Variants in TRPM5 observed in about 807,000 individuals in gnomAD.
TRPM5 encodes transient receptor potential cation channel subfamily M member 5, also known as MLSN1 and TRP-related.
TRPM5 carries 121 observed loss-of-function variants against 124.9 expected under a neutral mutation model. That is an observed-to-expected ratio of 0.97 (90% CI 0.84 to 1.13). The LOEUF is 1.13. Among genes scored for constraint, TRPM5 ranks in the 50% most tolerant of loss-of-function variants. The pLI is 0.00. For missense variants in TRPM5, 1,643 were observed against 1,589.1 expected (o/e 1.03, Z -0.58); for synonymous variants, 781 against 700.5 (o/e 1.11, Z -1.81).
rs751901130 is a variant in TRPM5 at position 2,411,392 on chromosome 11, G to T, written c.2742C>A (p.Tyr914Ter). Residue 914 changes from tyrosine (Y) to a stop codon, truncating the protein, a stop_gained, in exon 18 of 24, where the codon TAC (tyrosine) becomes TAA (stop). Coordinates refer to ENST00000155858, the Ensembl canonical transcript of TRPM5. LOFTEE classifies it high-confidence loss of function. ...GTGGGATCTGGCCGAAGATCTGCAG[G>T]TAGGGCCGGTAGAGCACCCGGCGGA... 2 of 1,610,744 alleles carry T rather than the reference G, an allele frequency of 1.2e-6. No individual in the cohort carries two copies. The highest frequency in any genetic ancestry group is 1.7e-6 in the Non-Finnish European group (2 of 1,178,430).
upstream of TRPM5, among the ~76,000 whole-genome samples, chr11:2,423,890 G>C (rs1297697046): frequency 1.3e-5 from 2 of 152,352 alleles, no homozygotes; most frequent in South Asian, 4.1e-4. Context: ...GCCCCAGCCT[G>C]GCTGACCTCG....
chr11:2,405,030 A>G, exon 24 of TRPM5: 2 of 1,612,576 alleles, frequency 1.2e-6, no homozygotes, highest in Non-Finnish European at 8.5e-7. Context: ...TTCCCTCGCC[A>G]CAGTGCTGAG....
At chr11:2,411,896 C>T (rs1055262691) in intron 16 of TRPM5, 129 bp from the exon 22 acceptor site, 5 of 1,177,902 alleles carry the variant, frequency 4.2e-6, no homozygotes, top group Non-Finnish European at 6.0e-6. Context: ...TGAGTGGCTT[C>T]ATCTTTTGTT....
At chr11:2,406,377 G>A (rs888374774) in intron 21 of TRPM5, among the ~76,000 whole-genome samples, 1 of 152,082 alleles carries the variant, frequency 6.6e-6, no homozygotes, top group East Asian at 1.9e-4. Context: ...GGCCCCTGGA[G>A]CCAGGGCTGG....
At chr11:2,428,045 G>A (rs1390039854), upstream of TRPM5, among the ~76,000 whole-genome samples, 3 of 152,202 alleles carry the variant, frequency 2.0e-5, no homozygotes, top group African/African-American at 4.8e-5. This position sits in a 1 kb window ranked among gnomAD's most constrained non-coding sequence, Gnocchi z 4.0. Context: ...CCCTGCATCC[G>A]GAGTCAGGAC....
In TRPM5 at chr11:2,405,596, G is replaced by A. The variant is rs1373038132; in HGVS notation, c.3325-3C>T. 2.6e-6 allele frequency: 4 copies of A among 1,560,188 alleles called. No homozygotes were observed. In the Admixed American group the frequency reaches 7.7e-5, roughly 30 times the overall value. ...ACGAGCACCGAGCAGTAGTTGATCT[G>A]GAGAAGGGAAACACGTCCGGGAAGC... On this transcript the variant is annotated splice_polypyrimidine_tract_variant and splice_region_variant and intron_variant, in intron 22 of 23. Coordinates refer to ENST00000155858, the Ensembl canonical transcript of TRPM5.
intron 4 of TRPM5, among the ~76,000 whole-genome samples, chr11:2,419,567 G>T (rs1338050989): frequency 6.7e-6 from 1 of 149,598 alleles, no homozygotes; most frequent in East Asian, 2.0e-4. Context: ...AGTGAGCCGA[G>T]ATTGCACTCC....
At chr11:2,420,447 A>C in intron 3 of TRPM5, 42 bp from the exon 9 acceptor site, 1 of 1,492,436 alleles carries the variant, frequency 6.7e-7, no homozygotes, top group Non-Finnish European at 8.9e-7. Context: ...CTCGAGAGGC[A>C]GCTTGGGCTG....
At position 2,405,527 on chromosome 11, in the gene TRPM5, TC is replaced by T; in HGVS notation, c.3390del (p.Ser1131AlafsTer20). ...TCCCACGCTCCCCAAACAGGCTTAC[TC>T]CGGGGGCCGCCACCCTGGGCCAGCA... On this transcript the variant is annotated frameshift_variant and splice_region_variant, in exon 23 of 24. Coordinates refer to ENST00000155858, the Ensembl canonical transcript of TRPM5. LOFTEE classifies it low-confidence loss of function (END_TRUNC). 1 of 1,557,664 alleles carries T rather than the reference TC, an allele frequency of 6.4e-7. No individual in the cohort carries two copies. The highest frequency in any genetic ancestry group is 1.2e-5 in the South Asian group (1 of 84,502).
rs758105249 is a variant in TRPM5, at chr11:2,414,210, C to T, written c.1745-4G>A. 2 of 1,605,898 alleles carry T rather than the reference C, an allele frequency of 1.2e-6. No homozygotes were observed. Among genetic ancestry groups the T allele is most frequent in the South Asian group, 1.1e-5 (1 of 90,222 alleles). Reference sequence around the variant, plus strand: ...CTGTAGCACTCGGAGAAGAGGTCTGCCCCCGGAGGCCCTGGCCGCTAGGAC... The same window carrying T: ...CTGTAGCACTCGGAGAAGAGGTCTGTCCCCGGAGGCCCTGGCCGCTAGGAC... On this transcript the variant is annotated splice_region_variant and splice_polypyrimidine_tract_variant and intron_variant, in intron 11 of 23. Transcript: ENST00000155858.
At chr11:2,420,914 C>A in intron 3 of TRPM5, 118 bp downstream of exon 8, 2 of 1,202,934 alleles carry the variant, frequency 1.7e-6, no homozygotes, top group Non-Finnish European at 2.2e-6. Flanking sequence ...TCTGCCCGCT[C>A]CCTGCTCTTC....
At chr11:2,432,381 C>A in the TRPM5 span, among the ~76,000 whole-genome samples, 33 of 152,364 alleles carry the variant, frequency 2.2e-4, no homozygotes, top group Non-Finnish European at 3.7e-4. Context: ...GGCCCAGCCC[C>A]TGCCCCCACG....
intron 7 of TRPM5, among the ~76,000 whole-genome samples, chr11:2,417,514 A>G (rs1205284260): frequency 6.6e-6 from 1 of 152,258 alleles, no homozygotes; most frequent in African/African-American, 2.4e-5. Context: ...ATACCACTGA[A>G]TTGAGAGCTT....
At chr11:2,433,669 G>A in the TRPM5 span, among the ~76,000 whole-genome samples, 1 of 152,264 alleles carries the variant, frequency 6.6e-6, no homozygotes, top group Non-Finnish European at 1.5e-5. Context: ...TGCCTGGAAC[G>A]TCCTGAGGAC....
intron 21 of TRPM5, 71 bp from the exon 27 acceptor site, chr11:2,406,162 C>T (rs775654027): frequency 1.9e-6 from 3 of 1,547,152 alleles, no homozygotes; most frequent in Non-Finnish European, 8.8e-7. Flanking sequence ...CCTCCCCATC[C>T]CCCCAGGCCT....
chr11:2,409,225 C>T (rs1336055202), intron 18 of TRPM5, among the ~76,000 whole-genome samples: 3 of 152,196 alleles, frequency 2.0e-5, no homozygotes, highest in Non-Finnish European at 4.4e-5. Context: ...GCCTGCCCCT[C>T]CTCTGTCCGC....
chr11:2,417,706 G>GGGGCCCCCCCCCCCCC, intron 7 of TRPM5, 21 bp downstream of exon 12: 1 of 1,087,302 alleles, frequency 9.2e-7, no homozygotes, highest in Non-Finnish European at 1.4e-6. Flanking sequence ...CGCCTGCCTT[G>GGGGCCCCCCCCCCCCC]CCCACCCTGC....
At chr11:2,425,886 G>T (rs138191378), upstream of TRPM5, among the ~76,000 whole-genome samples, 2 of 152,300 alleles carry the variant, frequency 1.3e-5, no homozygotes, top group African/African-American at 4.8e-5. Flanking sequence ...ATAGATGGGG[G>T]ACTCCTTCTT....
At chr11:2,411,491 G>A (rs149581467) in exon 18 of TRPM5, 24 of 1,610,520 alleles carry the variant, frequency 1.5e-5, no homozygotes, top group South Asian at 5.5e-5. Context: ...CGAGCCACAC[G>A]CTCAGAAAGA....
Sources: gnomAD v4.1 joint callset for allele counts (sites outside exome capture counted in the v4.1 genomes callset) on GRCh38, gnomAD v4.1.1 for gene constraint, Gnocchi (gnomAD v3.1) non-coding constraint, MANE v1.5 for transcripts, NCBI Gene and HGNC (gene_info 2026-07-23, HGNC 2026-07-21) for gene names.